The following SFRP1 variants were observed in gnomAD, a reference collection of about 807,000 sequenced individuals.
SFRP1 encodes secreted frizzled related protein 1.
In SFRP1, 9 loss-of-function variants were observed where a neutral mutation model predicts 25.9. The ratio of observed to expected loss-of-function variants is 0.35; its 90% CI spans 0.21 to 0.61. The LOEUF (loss-of-function observed/expected upper bound fraction) is 0.61, where lower values mean the gene tolerates loss of function less well. Among genes scored for constraint, SFRP1 ranks in the 20% least tolerant of loss-of-function variants. The pLI, the probability that SFRP1 is intolerant of heterozygous loss-of-function variation, is 0.78. For missense variants in SFRP1, 346 were observed against 418.2 expected (o/e 0.83, Z 1.51); for synonymous variants, 178 against 174.0 (o/e 1.02, Z -0.18).
rs563062641 is a variant in SFRP1 at position 41,265,416 on chromosome 8, G to C, written c.696C>G (p.Pro232=). Reference sequence around the variant, plus strand: ...TCTTCTTGATGGGCCCCAACTTCAGGGGCTTCTTCTTCTTGGGGACAATCT... The same window carrying C: ...TCTTCTTGATGGGCCCCAACTTCAGCGGCTTCTTCTTCTTGGGGACAATCT... The part of the protein sequence containing the change: ...DKKIVPKKKK[P]LKLGPIKKKD... Residue 232 remains proline, a synonymous_variant, in exon 3 of 3, where the codon CCC becomes CCG. Coordinates refer to ENST00000220772, the MANE Select transcript of SFRP1 (RefSeq NM_003012.5). The C allele has an allele frequency of 1.2e-4, 188 of 1,612,300 alleles. No homozygotes were observed. Among genetic ancestry groups the C allele is most frequent in the Non-Finnish European group, 1.6e-4 (184 of 1,179,768 alleles).
chr8:41,279,080 C>T (rs138017990), intron 2 of SFRP1, among the ~76,000 whole-genome samples: 15 of 152,130 alleles, frequency 9.9e-5, no homozygotes, highest in African/African-American at 3.6e-4. Context: ...GAATGACCCA[C>T]GAGTGTTCCT....
At chr8:41,304,707 C>T (rs1302588593) in intron 1 of SFRP1, among the ~76,000 whole-genome samples, 1 of 152,036 alleles carries the variant, frequency 6.6e-6, no homozygotes, top group African/African-American at 2.4e-5. Context: ...GGCAAAGGCT[C>T]CCTAAGTGGA....
chr8:41,284,981 G>A (rs531226602), intron 2 of SFRP1, among the ~76,000 whole-genome samples: 5 of 152,326 alleles, frequency 3.3e-5, no homozygotes, highest in East Asian at 1.9e-4. Flanking sequence ...AAGAGTAAGT[G>A]GAGGCCAAGC....
chr8:41,265,078 C>A lies in SFRP1; in HGVS notation c.*89G>T. ...ATGTCCACTACTGACAGGCGCAGTG[C>A]GTGTGTGTGACCCACCGGGTTCCCG... On this transcript the variant is annotated 3_prime_UTR_variant, in exon 3 of 3. Transcript: ENST00000220772. 2 of 871,784 alleles carry A rather than the reference C, an allele frequency of 2.3e-6. No individual in the cohort carries two copies. Among genetic ancestry groups the A allele is most frequent in the Non-Finnish European group, 1.8e-6 (1 of 566,928 alleles). 54.0% of individuals were successfully genotyped at this position (871,784 alleles called of 1,614,324 possible).
At chr8:41,283,760 G>A (rs574083575) in intron 2 of SFRP1, among the ~76,000 whole-genome samples, 8 of 151,624 alleles carry the variant, frequency 5.3e-5, no homozygotes, top group East Asian at 3.9e-4. Context: ...ACGGGGTTTC[G>A]CCATGTTGGT....
intron 2 of SFRP1, among the ~76,000 whole-genome samples, chr8:41,295,181 T>A (rs1435446779): frequency 1.1e-4 from 16 of 152,012 alleles, no homozygotes; most frequent in Non-Finnish European, 2.1e-4. Flanking sequence ...GCCAACATGG[T>A]GAAACCCCAT....
At chr8:41,305,569 T>C (rs1803985261) in intron 1 of SFRP1, among the ~76,000 whole-genome samples, 1 of 152,220 alleles carries the variant, frequency 6.6e-6, no homozygotes, top group Non-Finnish European at 1.5e-5. Context: ...TGGTGCGTCT[T>C]GGGGCTCTAC....
intron 2 of SFRP1, among the ~76,000 whole-genome samples, chr8:41,269,264 T>C (rs1023331314): frequency 1.3e-5 from 2 of 152,100 alleles, no homozygotes; most frequent in Non-Finnish European, 1.5e-5. Flanking sequence ...ATTTTAAAAA[T>C]TATGTGTTTT....
chr8:41,277,134 G>A, intron 2 of SFRP1: 1 of 429,112 alleles, frequency 2.3e-6, no homozygotes, highest in Non-Finnish European at 4.7e-6. Context: ...GGGGAGCAAG[G>A]GCTTGGGCCT....
Position 41,265,386 on chromosome 8 carries a change from G to A in SFRP1, c.726C>T (p.Asp242=). Residue 242 remains aspartate (D), a synonymous_variant, in exon 3 of 3, where the codon GAC becomes GAT. Coordinates refer to ENST00000220772, the MANE Select transcript of SFRP1 (RefSeq NM_003012.5). ...TCAGGTACAGCACAAGCTTCTTCAGGTCCTTCTTCTTGATGGGCCCCAACT... is the reference window on the plus strand; with the variant it reads ...TCAGGTACAGCACAAGCTTCTTCAGATCCTTCTTCTTGATGGGCCCCAACT... The part of the protein sequence containing the change: ...PLKLGPIKKK[D]LKKLVLYLKN... 6.2e-7 allele frequency: 1 copy of A among 1,613,908 alleles called. No individual in the cohort carries two copies. The highest frequency in any genetic ancestry group is 1.1e-5 in the South Asian group (1 of 91,062).
intron 2 of SFRP1, among the ~76,000 whole-genome samples, chr8:41,288,067 T>A (rs147528260): frequency 9.9e-5 from 14 of 141,928 alleles, no homozygotes; most frequent in East Asian, 8.0e-4. Context: ...AAAAAAAAAA[T>A]TTAAATTTGG....
At chr8:41,273,096 A>G (rs1045903204) in intron 2 of SFRP1, among the ~76,000 whole-genome samples, 3 of 152,246 alleles carry the variant, frequency 2.0e-5, no homozygotes, top group African/African-American at 7.2e-5. Flanking sequence ...AAACATCTTC[A>G]GGCATTAACA....
chr8:41,269,516 C>T (rs1260279769), intron 2 of SFRP1, among the ~76,000 whole-genome samples: 1 of 152,252 alleles, frequency 6.6e-6, no homozygotes, highest in African/African-American at 2.4e-5. Context: ...ATTATACTTC[C>T]TTGGTAGCCT....
intron 2 of SFRP1, among the ~76,000 whole-genome samples, chr8:41,276,466 A>G (rs938377531): frequency 6.6e-6 from 1 of 152,214 alleles, no homozygotes; most frequent in Non-Finnish European, 1.5e-5. Flanking sequence ...ATGGCAGCTT[A>G]ACAGACCCCA....
At chr8:41,284,370 T>G in intron 2 of SFRP1, among the ~76,000 whole-genome samples, 1 of 2,756 alleles carries the variant, frequency 3.6e-4, no homozygotes, top group Non-Finnish European at 7.4e-4. Context: ...CCCACATTGC[T>G]GGAGGGCCCC....
At chr8:41,295,674 C>A (rs1207880677) in intron 2 of SFRP1, among the ~76,000 whole-genome samples, 1 of 152,086 alleles carries the variant, frequency 6.6e-6, no homozygotes, top group African/African-American at 2.4e-5. Flanking sequence ...CTCAACTTAC[C>A]TAATTCCCAA....
chr8:41,284,969 G>C (rs7820647), intron 2 of SFRP1, among the ~76,000 whole-genome samples: 75,408 of 152,072 alleles, frequency 0.5, 19,648 homozygotes, highest in African/African-American at 0.67. Context: ...CAGATGCACC[G>C]CAAGAGTAAG....
chr8:41,288,565 A>C (rs1437667517), intron 2 of SFRP1, among the ~76,000 whole-genome samples: 1 of 136,426 alleles, frequency 7.3e-6, no homozygotes, highest in Non-Finnish European at 1.6e-5. Context: ...AAAAAAAAAA[A>C]AAACTGCAAT....
intron 2 of SFRP1, among the ~76,000 whole-genome samples, chr8:41,268,376 C>T (rs1030842307): frequency 3.3e-5 from 5 of 152,174 alleles, no homozygotes; most frequent in African/African-American, 1.2e-4. Flanking sequence ...CACCACGACC[C>T]GGTTAGAAGT....
Sources: allele counts gnomAD v4.1 joint callset (sites outside exome capture counted in the v4.1 genomes callset), GRCh38; gene constraint gnomAD v4.1.1; transcripts MANE v1.5; gene names NCBI Gene and HGNC (gene_info 2026-07-23, HGNC 2026-07-21).